Variants in CNR2 observed in about 807,000 individuals in gnomAD.
CNR2 encodes the protein cannabinoid receptor 2 (macrophage).
For missense variants in CNR2, 379 were observed against 439.9 expected, an observed-to-expected ratio of 0.86 and a Z score of 1.24; for synonymous variants, 172 against 182.2, an observed-to-expected ratio of 0.94 and a Z score of 0.45.
At chr1:23,893,947 T>C (rs1379166696) in intron 1 of CNR2, among the ~76,000 whole-genome samples, 1 of 150,992 alleles carries the variant, frequency 6.6e-6, no homozygotes. Flanking sequence ...AACATGAAAC[T>C]CCATCTCTAC....
intron 1 of CNR2, among the ~76,000 whole-genome samples, chr1:23,880,185 C>CTTTTTTCT (rs1639954817): frequency 7.8e-6 from 1 of 128,752 alleles, no homozygotes; most frequent in African/African-American, 2.9e-5. Flanking sequence ...ACTTCCAACT[C>CTTTTTTCT]TTTTTTTTTT....
At chr1:23,901,774 G>T in intron 1 of CNR2, 1 of 1,490,158 alleles carries the variant, frequency 6.7e-7, no homozygotes, top group Non-Finnish European at 9.4e-7. Context: ...TCTTCACGCT[G>T]TACTCAGCCT....
rs771509283 is a variant in CNR2 at position 23,891,619 on chromosome 1, C to CAA, written c.-45-15959_-45-15958dup. ...GGGCAACAAGAGCAAAACTCCATCT[C>CAA]AAAAAAAAAAAAAAAAAAAGCCCAA... On this transcript the variant is annotated intron_variant, in intron 1 of 1. Transcript: ENST00000374472. 2.6e-3 allele frequency among the ~76,000 whole-genome samples: 80 copies of CAA among 31,210 alleles called. 1 individual carries two copies. The highest frequency in any genetic ancestry group is 7.7e-3 in the East Asian group (15 of 1,948). The allele number at this position is 31,210 out of a possible 152,430, so 20.5% of individuals were successfully genotyped here. A position where few individuals can be genotyped will look rare whatever the true frequency, so the allele number is the denominator to read the frequency against.
At chr1:23,901,772 C>A in intron 1 of CNR2, 1 of 1,487,050 alleles carries the variant, frequency 6.7e-7, no homozygotes, top group African/African-American at 1.4e-5. Flanking sequence ...AATCTTCACG[C>A]TGTACTCAGC....
intron 1 of CNR2, among the ~76,000 whole-genome samples, chr1:23,876,203 A>ATTTT (rs1639871538): frequency 6.6e-6 from 1 of 151,062 alleles, no homozygotes; most frequent in Non-Finnish European, 1.5e-5. Context: ...ATTTTTATTT[A>ATTTT]TTTATTTATT....
At chr1:23,881,954 C>T (rs191239803) in intron 1 of CNR2, among the ~76,000 whole-genome samples, 1 of 151,248 alleles carries the variant, frequency 6.6e-6, no homozygotes, top group Non-Finnish European at 1.5e-5. Context: ...TGGAGTCTCA[C>T]TGTTGTGCCC....
At chr1:23,902,149 T>C (rs1570720351) in intron 1 of CNR2, 1 of 1,415,862 alleles carries the variant, frequency 7.1e-7, no homozygotes, top group South Asian at 1.2e-5. Context: ...TGGCAGCCCC[T>C]GCCTCTTGCA....
At position 23,870,918 on chromosome 1, in the gene CNR2, T is replaced by C. The variant is rs2501410; in HGVS notation, c.*3617A>G. ...CTGTAATCCTAGCACTTTGGGAGGC[T>C]AAGGTGGGTGGATCACTTGAAGTCA... is the stretch of plus-strand genomic sequence containing the variant. On this transcript the variant is annotated 3_prime_UTR_variant, in exon 2 of 2. Transcript: ENST00000374472. 152,135 of 152,294 alleles carry C rather than the reference T, an allele frequency of 1. 75,990 individuals are homozygous for C. Among genetic ancestry groups the C allele is most frequent in the East Asian group, 1 (5,186 of 5,186 alleles). The allele number at this position is 152,294 out of a possible 1,614,324, so 9.4% of individuals were successfully genotyped here. A position where few individuals can be genotyped will look rare whatever the true frequency, so the allele number is the denominator to read the frequency against.
rs1434279185 is a variant in CNR2, at chr1:23,890,735, G to A, written c.-45-15073C>T. On this transcript the variant is annotated intron_variant, in intron 1 of 1. Coordinates refer to ENST00000374472, the MANE Select transcript of CNR2 (RefSeq NM_001841.3). ...ACTCCAGCCTGGGCAACAAGAGTGA[G>A]ACTCTGTCTCAAAAAAAAAAAAAAG... 6.6e-5 allele frequency among the ~76,000 whole-genome samples: 7 copies of A among 105,952 alleles called. 1 individual carries two copies. Among genetic ancestry groups the A allele is most frequent in the Non-Finnish European group, 9.7e-5 (5 of 51,364 alleles). The allele number at this position is 105,952 out of a possible 152,430, so 69.5% of individuals were successfully genotyped here.
intron 1 of CNR2, among the ~76,000 whole-genome samples, chr1:23,878,624 C>T (rs763608293): frequency 6.6e-6 from 1 of 152,098 alleles, no homozygotes; most frequent in Non-Finnish European, 1.5e-5. Context: ...GGTGATATGC[C>T]CACCTCGGCC....
At chr1:23,902,061 C>G in intron 1 of CNR2, 1 of 1,555,388 alleles carries the variant, frequency 6.4e-7, no homozygotes, top group Non-Finnish European at 8.9e-7. Context: ...CGTTGGCAAA[C>G]TCCTCTAGGG....
intron 1 of CNR2, among the ~76,000 whole-genome samples, chr1:23,907,408 C>CAAA (rs58616828): frequency 5.1e-5 from 5 of 98,278 alleles, no homozygotes; most frequent in African/African-American, 1.4e-4. Flanking sequence ...GACCTTGTCT[C>CAAA]AAAAAAAAAA....
chr1:23,878,844 T>C (rs1639931769), intron 1 of CNR2, among the ~76,000 whole-genome samples: 1 of 152,064 alleles, frequency 6.6e-6, no homozygotes, highest in Non-Finnish European at 1.5e-5. Context: ...TCAGCAACAA[T>C]AGAAGCCAAA....
intron 1 of CNR2, among the ~76,000 whole-genome samples, chr1:23,911,486 C>T (rs1341531980): frequency 6.6e-6 from 1 of 152,096 alleles, no homozygotes; most frequent in East Asian, 1.9e-4. Context: ...TCTGTGTGTC[C>T]TCTGGGTCAA....
chr1:23,890,098 CA>C (rs1165214600), intron 1 of CNR2, among the ~76,000 whole-genome samples: 2 of 151,372 alleles, frequency 1.3e-5, no homozygotes, highest in African/African-American at 4.9e-5. Flanking sequence ...CCCATCTCTA[CA>C]AAAAATACAA....
At position 23,901,580 on chromosome 1, in the gene CNR2, G is replaced by A. The variant is rs1040757258; in HGVS notation, c.-46+11666C>T. ...GGCCACCTTTCTGCACTGCACTTGC[G>A]TCATCCCCTCCTGCCCAAAGTAGCT... On this transcript the variant is annotated intron_variant, in intron 1 of 1. Transcript: ENST00000374472. The A allele has an allele frequency of 5.5e-5, 89 of 1,612,960 alleles. 1 individual carries two copies. The highest frequency in any genetic ancestry group is 4.4e-5 in the South Asian group (4 of 91,058).
Position 23,874,585 on chromosome 1 carries a change from T to A in CNR2, c.1033A>T (p.Lys345Ter). 6.2e-7 allele frequency: 1 copy of A among 1,614,086 alleles called. No individual in the cohort carries two copies. The highest frequency in any genetic ancestry group is 8.5e-7 in the Non-Finnish European group (1 of 1,180,008). The change falls in exon 2 of 2, where the codon AAA (lysine) becomes TAA (stop). Residue 345 changes from lysine to a stop codon, truncating the protein, a stop_gained. Transcript: ENST00000374472. LOFTEE classifies it low-confidence loss of function (END_TRUNC). ...SSVTETEADG[K>*]ITPWPDSRDL... ...CTGGAATCTGGCCACGGAGTGATTTTCCCATCAGCCTCTGTCTCGGTGACT... is the reference window on the plus strand; with the variant it reads ...CTGGAATCTGGCCACGGAGTGATTTACCCATCAGCCTCTGTCTCGGTGACT...
intron 1 of CNR2, among the ~76,000 whole-genome samples, chr1:23,906,945 G>A (rs1285445843): frequency 1.3e-5 from 2 of 151,340 alleles, no homozygotes; most frequent in South Asian, 2.1e-4. Flanking sequence ...ATGCCTCTCT[G>A]TATATGCCTT....
At chr1:23,908,582 G>T (rs1343001719) in intron 1 of CNR2, among the ~76,000 whole-genome samples, 1 of 152,194 alleles carries the variant, frequency 6.6e-6, no homozygotes, top group African/African-American at 2.4e-5. Flanking sequence ...GGAAAAGCTG[G>T]TAGAAAGTAG....
Sources: allele counts gnomAD v4.1 joint callset (sites outside exome capture counted in the v4.1 genomes callset), GRCh38; gene constraint gnomAD v4.1.1; transcripts MANE v1.5; gene names NCBI Gene and HGNC (gene_info 2026-07-23, HGNC 2026-07-21).